The following DLC1 variants were observed in gnomAD, a reference collection of about 807,000 sequenced individuals.
The protein encoded by DLC1 is DLC1 Rho GTPase activating protein.
DLC1 carries 54 observed loss-of-function variants against 140.3 expected under a neutral mutation model. The ratio of observed to expected loss-of-function variants is 0.38; its 90% CI spans 0.31 to 0.48. DLC1 has a LOEUF of 0.48. DLC1 is among the 20% of genes least tolerant of loss of function. DLC1 has a pLI of 0.96. For missense variants in DLC1, 2,536 were observed against 1,907.0 expected (o/e 1.33, Z -6.14); for synonymous variants, 986 against 728.1 (o/e 1.35, Z -5.70).
intron 5 of DLC1, among the ~76,000 whole-genome samples, chr8:13,202,231 G>A (rs572712263): frequency 1.2e-4 from 18 of 152,130 alleles, no homozygotes; most frequent in East Asian, 3.9e-4. Context: ...GGTGTGAGCC[G>A]CTGTGCCAGG....
intron 1 of DLC1, among the ~76,000 whole-genome samples, chr8:13,555,710 C>T (rs964398736): frequency 1.5e-4 from 23 of 151,676 alleles, no homozygotes; most frequent in African/African-American, 5.3e-4. Flanking sequence ...CCATGTTGGC[C>T]AGGCTGGTCT....
intron 2 of DLC1, among the ~76,000 whole-genome samples, chr8:13,449,698 A>T (rs1418955701): frequency 1.3e-5 from 2 of 152,140 alleles, no homozygotes; most frequent in Non-Finnish European, 2.9e-5. Flanking sequence ...GAGGGATAGC[A>T]TTAGGAGATA....
At chr8:13,111,532 G>C (rs141673388) in intron 6 of DLC1, among the ~76,000 whole-genome samples, 5 of 152,260 alleles carry the variant, frequency 3.3e-5, no homozygotes, top group African/African-American at 4.8e-5. Flanking sequence ...AAACCAGAGA[G>C]GGGGAAAACA....
chr8:13,522,011 A>G (rs1399193456), intron 1 of DLC1, among the ~76,000 whole-genome samples: 1 of 152,142 alleles, frequency 6.6e-6, no homozygotes, highest in Non-Finnish European at 1.5e-5. Context: ...ATTTGAAAGG[A>G]AAGACGGAGA....
At chr8:13,569,743 A>G (rs1804581125) in intron 1 of DLC1, among the ~76,000 whole-genome samples, 1 of 152,182 alleles carries the variant, frequency 6.6e-6, no homozygotes, top group South Asian at 2.1e-4. Flanking sequence ...TATTATTGAG[A>G]CAGGGTCTGG....
intron 5 of DLC1, among the ~76,000 whole-genome samples, chr8:13,189,547 G>A (rs1826621750): frequency 6.6e-6 from 1 of 151,972 alleles, no homozygotes; most frequent in African/African-American, 2.4e-5. Flanking sequence ...AAGTAAAAAT[G>A]TATTCAGATC....
At chr8:13,363,127 A>C (rs1835315567) in intron 4 of DLC1, among the ~76,000 whole-genome samples, 1 of 152,206 alleles carries the variant, frequency 6.6e-6, no homozygotes, top group African/African-American at 2.4e-5. Flanking sequence ...ACATCACACA[A>C]ATATTTGTAA....
chr8:13,394,220 A>C (rs1363832139), intron 3 of DLC1, among the ~76,000 whole-genome samples: 1 of 152,214 alleles, frequency 6.6e-6, no homozygotes, highest in Non-Finnish European at 1.5e-5. Context: ...TGAAATGTCT[A>C]TCTAATAAAC....
intron 1 of DLC1, among the ~76,000 whole-genome samples, chr8:13,508,049 A>G (rs1802182198): frequency 6.6e-6 from 1 of 152,240 alleles, no homozygotes; most frequent in South Asian, 2.1e-4. Flanking sequence ...TCAATCCACT[A>G]GAAGTCAGCT....
chr8:13,158,866 C>T (rs1211936285), intron 5 of DLC1, among the ~76,000 whole-genome samples: 11 of 151,786 alleles, frequency 7.2e-5, no homozygotes, highest in Non-Finnish European at 1.2e-4. Flanking sequence ...GAAACAAATC[C>T]AGGGTCCCCT....
At chr8:13,116,285 T>G in intron 5 of DLC1, 1 of 948,810 alleles carries the variant, frequency 1.1e-6, no homozygotes, top group African/African-American at 1.8e-5. Context: ...CTAATAAAGC[T>G]TCTACCTCCC....
chr8:13,280,219 C>T (rs891464512), intron 5 of DLC1, among the ~76,000 whole-genome samples: 19 of 131,450 alleles, frequency 1.4e-4, no homozygotes, highest in South Asian at 2.5e-4. Flanking sequence ...ACCCAGGAGG[C>T]GGAGTTTACA....
At chr8:13,406,462 G>A (rs942135719) in intron 2 of DLC1, among the ~76,000 whole-genome samples, 2 of 152,064 alleles carry the variant, frequency 1.3e-5, no homozygotes, top group Non-Finnish European at 2.9e-5. Context: ...GTCAAATTCT[G>A]CCTTACTCTA....
At position 13,161,812 on chromosome 8, in the gene DLC1, C is replaced by T. The variant is rs561598917; in HGVS notation, c.1349-46155G>A. Among the ~76,000 whole-genome samples the T allele has an allele frequency of 2.6e-5, 4 of 152,178 alleles. No individual in the cohort carries two copies. In the East Asian group the frequency reaches 5.8e-4, roughly 22 times the overall value. ...ACACTGATTCTTAACCTGTGCAATG[C>T]GAACTCATGTTCAGAGCCCTGTGCT... On this transcript the variant is annotated intron_variant, in intron 5 of 17. Coordinates refer to ENST00000276297, the MANE Select transcript of DLC1 (RefSeq NM_182643.3).
chr8:13,412,427 A>G (rs138721771), intron 2 of DLC1, among the ~76,000 whole-genome samples: 2 of 152,278 alleles, frequency 1.3e-5, no homozygotes, highest in African/African-American at 4.8e-5. Context: ...ACTTGCACGC[A>G]TGCAAAGACA....
intron 2 of DLC1, among the ~76,000 whole-genome samples, chr8:13,434,955 C>T (rs886699080): frequency 7.3e-5 from 11 of 150,714 alleles, no homozygotes; most frequent in African/African-American, 2.0e-4. Flanking sequence ...GCTGGGATTA[C>T]AGGCGTGACC....
chr8:13,449,991 A>C (rs540118957), intron 2 of DLC1, among the ~76,000 whole-genome samples: 1 of 151,998 alleles, frequency 6.6e-6, no homozygotes, highest in Admixed American at 6.6e-5. Flanking sequence ...GGCTTCCCCA[A>C]CTCTGTATTA....
chr8:13,101,076 T>G (rs186241689), intron 8 of DLC1, among the ~76,000 whole-genome samples: 14 of 152,162 alleles, frequency 9.2e-5, no homozygotes, highest in Admixed American at 3.3e-4. Flanking sequence ...TTCTTTTTCT[T>G]TTTTAAATTT....
chr8:13,213,035 G>T (rs1828020095), intron 5 of DLC1, among the ~76,000 whole-genome samples: 1 of 152,156 alleles, frequency 6.6e-6, no homozygotes, highest in South Asian at 2.1e-4. Flanking sequence ...AAGAGATGTT[G>T]AATGTAGTGG....
Sources: allele counts gnomAD v4.1 joint callset (sites outside exome capture counted in the v4.1 genomes callset), GRCh38; gene constraint gnomAD v4.1.1; transcripts MANE v1.5; gene names NCBI Gene and HGNC (gene_info 2026-07-23, HGNC 2026-07-21).